TMPRSS7: variants seen among roughly 807,000 people sequenced by gnomAD.
TMPRSS7 encodes transmembrane protease serine 7.
A neutral mutation model predicts 95.6 loss-of-function variants in TMPRSS7; 81 were observed. That is an observed-to-expected ratio of 0.85 (90% CI 0.71 to 1.02). TMPRSS7 has a LOEUF of 1.02. TMPRSS7 is among the 50% of genes least tolerant of loss of function. The pLI, the probability that TMPRSS7 is intolerant of heterozygous loss-of-function variation, is 0.00. For missense variants in TMPRSS7, 945 were observed against 955.2 expected (o/e 0.99, Z 0.14); for synonymous variants, 364 against 337.8 (o/e 1.08, Z -0.85).
intron 9 of TMPRSS7, among the ~76,000 whole-genome samples, chr3:112,053,297 A>C (rs1356862632): frequency 1.3e-5 from 2 of 152,128 alleles, no homozygotes; most frequent in African/African-American, 4.8e-5. Flanking sequence ...GTCTGGTCCC[A>C]TTTTGAAATT....
In TMPRSS7 at chr3:112,074,279, C is replaced by G. The variant is rs988042962; in HGVS notation, c.1667-17C>G. ...TTCTGGCTAAGGAAAGCTGTTTCTT[C>G]TTTTGTCCATTGTTAGGTATTCCAT... On this transcript the variant is annotated splice_polypyrimidine_tract_variant and intron_variant, in intron 13 of 17. Transcript: ENST00000452346. 6.4e-7 allele frequency: 1 copy of G among 1,571,996 alleles called. No individual in the cohort carries two copies. The highest frequency in any genetic ancestry group is 8.7e-7 in the Non-Finnish European group (1 of 1,143,470).
chr3:112,039,167 T>C (rs1308130675), intron 2 of TMPRSS7, among the ~76,000 whole-genome samples: 3 of 152,246 alleles, frequency 2.0e-5, no homozygotes, highest in African/African-American at 4.8e-5. Context: ...TTCTCACTTA[T>C]GCAACACTGC....
At chr3:112,063,690 T>C in intron 12 of TMPRSS7, 58 bp downstream of exon 12, 1 of 1,316,932 alleles carries the variant, frequency 7.6e-7, no homozygotes. Flanking sequence ...CTCAGGACCA[T>C]GATTGCTGCT....
chr3:112,043,098 T>C, intron 3 of TMPRSS7: 1 of 456,046 alleles, frequency 2.2e-6, no homozygotes, highest in Non-Finnish European at 4.4e-6. Flanking sequence ...CTAATATTTA[T>C]ACAGTCCTGT....
chr3:112,069,264 T>A (rs60100513), intron 13 of TMPRSS7, among the ~76,000 whole-genome samples: 4,555 of 152,278 alleles, frequency 0.03, 187 homozygotes, highest in African/African-American at 0.088. Flanking sequence ...AATGTTCATC[T>A]GGGGTATTGG....
At chr3:112,078,751 G>T in exon 17 of TMPRSS7, 1 of 1,614,082 alleles carries the variant, frequency 6.2e-7, no homozygotes, top group Non-Finnish European at 8.5e-7. Context: ...GATAATAAAG[G>T]CTCCCTCGTT....
At chr3:112,040,280 A>G (rs986637989) in intron 2 of TMPRSS7, among the ~76,000 whole-genome samples, 1 of 152,232 alleles carries the variant, frequency 6.6e-6, no homozygotes, top group African/African-American at 2.4e-5. Flanking sequence ...CAGAAAGCTC[A>G]CAGATGCATT....
intron 10 of TMPRSS7, among the ~76,000 whole-genome samples, chr3:112,060,354 T>C (rs894419034): frequency 6.6e-6 from 1 of 152,182 alleles, no homozygotes; most frequent in Non-Finnish European, 1.5e-5. Context: ...CAAAAATTTA[T>C]TAGGCGGGAA....
chr3:112,043,283 A>G (rs2073235600), intron 3 of TMPRSS7, among the ~76,000 whole-genome samples: 1 of 152,098 alleles, frequency 6.6e-6, no homozygotes, highest in Non-Finnish European at 1.5e-5. Flanking sequence ...AACACAAATC[A>G]CTAGATGATA....
rs182123708 is a variant in TMPRSS7, at chr3:112,055,493, A to G, written c.1204-1532A>G. ...CACACACACACACAGCATAACATAT[A>G]ATACGATGACATAACTAAAATGTCT... On this transcript the variant is annotated intron_variant, in intron 9 of 17. Transcript: ENST00000452346. Among the ~76,000 whole-genome samples the G allele has an allele frequency of 1.2e-3, 177 of 151,422 alleles. 1 individual carries two copies. Among genetic ancestry groups the G allele is most frequent in the African/African-American group, 4.2e-3 (172 of 41,216 alleles).
chr3:112,052,968 G>A (rs1267994237), intron 9 of TMPRSS7, among the ~76,000 whole-genome samples: 1 of 151,976 alleles, frequency 6.6e-6, no homozygotes, highest in Non-Finnish European at 1.5e-5. Context: ...ATCCCAGTGA[G>A]CAAGTGAGGA....
chr3:112,065,207 C>G (rs1244783859), intron 12 of TMPRSS7, among the ~76,000 whole-genome samples: 2 of 152,056 alleles, frequency 1.3e-5, no homozygotes, highest in Non-Finnish European at 2.9e-5. Flanking sequence ...ATGCCACTAA[C>G]TCTTTTTTGT....
rs148395249 is a variant in TMPRSS7, at chr3:112,036,853, C to G, written c.49-1219C>G. Among the ~76,000 whole-genome samples the G allele has an allele frequency of 3.6e-3, 553 of 152,308 alleles. 9 individuals are homozygous for G. Among genetic ancestry groups the G allele is most frequent in the African/African-American group, 0.012 (491 of 41,566 alleles). On this transcript the variant is annotated intron_variant, in intron 1 of 17. Coordinates refer to ENST00000452346, the Ensembl canonical transcript of TMPRSS7. Reference sequence around the variant, plus strand: ...CATTTATTGGTTCCCTAAATTAATACTTTCATAATTTCTTACGCCTGTCTT... The same window carrying G: ...CATTTATTGGTTCCCTAAATTAATAGTTTCATAATTTCTTACGCCTGTCTT...
At chr3:112,055,774 C>T (rs1316503088) in intron 9 of TMPRSS7, among the ~76,000 whole-genome samples, 1 of 152,092 alleles carries the variant, frequency 6.6e-6, no homozygotes, top group Non-Finnish European at 1.5e-5. Context: ...AAGTACCAGA[C>T]AAAAAGCAAT....
rs1421427411 is a variant in TMPRSS7, at chr3:112,044,381, G to T, written c.497+59G>T. On this transcript the variant is annotated intron_variant, in intron 4 of 17. Coordinates refer to ENST00000452346, the Ensembl canonical transcript of TMPRSS7. ...TTCATTGTTCTAAAGTCCATTCAAGGCTATGAAAAGGCTGAGATTCCACCA... is the reference window on the plus strand; with the variant it reads ...TTCATTGTTCTAAAGTCCATTCAAGTCTATGAAAAGGCTGAGATTCCACCA... The T allele has an allele frequency of 6.4e-6, 9 of 1,401,644 alleles. 1 individual carries two copies. The highest frequency in any genetic ancestry group is 1.4e-5 in the African/African-American group (1 of 69,892). The allele number at this position is 1,401,644 out of a possible 1,614,324, so 86.8% of individuals were successfully genotyped here.
At chr3:112,054,729 C>CTTTTTTTT (rs1161735611) in intron 9 of TMPRSS7, among the ~76,000 whole-genome samples, 682 of 49,024 alleles carry the variant, frequency 0.014, 267 homozygotes, top group East Asian at 0.033. Context: ...TCTCAGTTTG[C>CTTTTTTTT]TTTTTTTTTT....
At chr3:112,077,582 T>G (rs2073727509) in intron 16 of TMPRSS7, among the ~76,000 whole-genome samples, 1 of 152,196 alleles carries the variant, frequency 6.6e-6, no homozygotes, top group Non-Finnish European at 1.5e-5. Context: ...CCTGTGCCTG[T>G]GCAATTGGCC....
chr3:112,076,945 C>T lies in TMPRSS7; in HGVS notation c.2025C>T (p.Ser675=), dbSNP rs61729755. 7,179 of 1,614,178 alleles carry T rather than the reference C, an allele frequency of 4.4e-3. 198 individuals carry two copies. The East Asian group carries it at 0.06, about 13-fold the overall frequency. ...TTCAGGGGAATGCCAAGTTTGTCTCCCCGGTGAGAAGAATTGTGGTCCACG... is the reference window on the plus strand; with the variant it reads ...TTCAGGGGAATGCCAAGTTTGTCTCTCCGGTGAGAAGAATTGTGGTCCACG... Residue 675 remains serine, a synonymous_variant, in exon 16 of 18, where the codon TCC becomes TCT. Transcript: ENST00000452346.
At chr3:112,065,977 G>A (rs6794944) in intron 12 of TMPRSS7, among the ~76,000 whole-genome samples, 3,885 of 152,232 alleles carry the variant, frequency 0.026, 163 homozygotes, top group African/African-American at 0.087. Flanking sequence ...GTAAACAACT[G>A]CTATTTGTTC....
Sources: allele counts gnomAD v4.1 joint callset (sites outside exome capture counted in the v4.1 genomes callset), GRCh38; gene constraint gnomAD v4.1.1; transcripts MANE v1.5; gene names NCBI Gene and HGNC (gene_info 2026-07-23, HGNC 2026-07-21).